The following GOLGA8A variants were observed in gnomAD, a reference collection of about 807,000 sequenced individuals.
The protein encoded by GOLGA8A is golgin A8 family member A, also known as golgin subfamily A member 8A.
GOLGA8A carries 3 observed loss-of-function variants against 22.1 expected under a neutral mutation model. The ratio of observed to expected loss-of-function variants is 0.14; its 90% confidence interval spans 0.06 to 0.35. The LOEUF (loss-of-function observed/expected upper bound fraction) is 0.35. Among genes scored for constraint, GOLGA8A ranks in the 10% least tolerant of loss-of-function variants. The pLI is 1.00. For missense variants in GOLGA8A, 16 were observed against 233.2 expected, an observed-to-expected ratio of 0.07 and a Z score of 6.07; for synonymous variants, 7 against 91.7, an observed-to-expected ratio of 0.08 and a Z score of 5.28.
intron 2 of GOLGA8A, among the ~76,000 whole-genome samples, chr15:34,425,689 T>C (rs1486416922): frequency 2.1e-5 from 3 of 144,986 alleles, no homozygotes; most frequent in South Asian, 2.3e-4. Flanking sequence ...GCAATATATA[T>C]AGAAAATGAG....
rs1406638431 is a variant in GOLGA8A at position 34,437,434 on chromosome 15, TCCTCG to T, written c.-1253_-1249del. ...GCGGGGCTGCCCCGGTCCGCCGCCG[TCCTCG>T]CCGCGCCGCCGTCCTCGCCGCGCCG... On this transcript the variant is annotated 5_prime_UTR_variant, in exon 1 of 25. Transcript: ENST00000359187. 5 of 136,672 alleles carry T rather than the reference TCCTCG, an allele frequency of 3.7e-5. No individual in the cohort carries two copies. The highest frequency in any genetic ancestry group is 6.4e-5 in the Non-Finnish European group (4 of 62,098). 8.5% of individuals were successfully genotyped at this position (136,672 alleles called of 1,614,324 possible).
intron 2 of GOLGA8A, among the ~76,000 whole-genome samples, chr15:34,431,489 T>A (rs568582776): frequency 1.4e-5 from 2 of 147,984 alleles, no homozygotes; most frequent in African/African-American, 5.0e-5. Flanking sequence ...GAGAACATCA[T>A]AGAACATACG....
At chr15:34,435,069 A>C (rs1893438381) in intron 2 of GOLGA8A, among the ~76,000 whole-genome samples, 1 of 149,530 alleles carries the variant, frequency 6.7e-6, no homozygotes, top group African/African-American at 2.5e-5. Context: ...CCAAGACTTC[A>C]GACGACGGTG....
At chr15:34,404,753 G>A (rs200514470) in intron 5 of GOLGA8A, among the ~76,000 whole-genome samples, 164 bp downstream of exon 5, 25,847 of 140,502 alleles carry the variant, frequency 0.18, 971 homozygotes, top group Middle Eastern at 0.23. Context: ...TAGCCCAGGC[G>A]ACAGAGCAAG....
Position 34,427,330 on chromosome 15 carries a change from CAAAAAAA to C in GOLGA8A, c.-1123+8046_-1123+8052del, listed in dbSNP as rs67775520. Among the ~76,000 whole-genome samples, 3 of 78,850 alleles carry C rather than the reference CAAAAAAA, an allele frequency of 3.8e-5. 1 individual carries two copies. Among genetic ancestry groups the C allele is most frequent in the Non-Finnish European group, 7.4e-5 (3 of 40,292 alleles). 51.7% of individuals were successfully genotyped at this position (78,850 alleles called of 152,430 possible). The stretch of plus-strand genomic sequence containing the variant: ...TGGGTGACAGAGTGAGACTCCGTCA[CAAAAAAA>C]AAAAAAAAAAAAAAATTCACCAGAA... On this transcript the variant is annotated intron_variant, in intron 2 of 24. Coordinates refer to ENST00000359187, the MANE Select transcript of GOLGA8A (RefSeq NM_181077.5).
intron 2 of GOLGA8A, among the ~76,000 whole-genome samples, chr15:34,435,087 A>C (rs1893439665): frequency 1.3e-5 from 2 of 149,422 alleles, no homozygotes; most frequent in Non-Finnish European, 3.0e-5. Context: ...GTGTCACCTG[A>C]GGCCCTCACC....
At chr15:34,418,822 T>C (rs118094744) in intron 2 of GOLGA8A, 14,384 of 146,066 alleles carry the variant, frequency 0.098, 1,758 homozygotes, top group Non-Finnish European at 0.14. Flanking sequence ...GAGAAGGCGG[T>C]TGAGTTTAGC....
At chr15:34,424,569 G>A (rs1357751485) in intron 2 of GOLGA8A, among the ~76,000 whole-genome samples, 2 of 142,562 alleles carry the variant, frequency 1.4e-5, no homozygotes, top group Non-Finnish European at 3.1e-5. Flanking sequence ...AAGGCAAGAG[G>A]AGGGGATGAT....
intron 2 of GOLGA8A, chr15:34,418,350 G>A (rs1469590143): frequency 7.1e-6 from 1 of 140,670 alleles, no homozygotes; most frequent in Admixed American, 7.6e-5. Context: ...AGGCTCTGAA[G>A]CTTTCCATTT....
At position 34,381,151 on chromosome 15, in the gene GOLGA8A, A is replaced by G. The variant is rs1891467456; in HGVS notation, c.*260T>C. ...CTCCCACCACGTAAGGGCAAACTCGATATGCATGCTAATGACCTACAATTA... is the reference window on the plus strand; with the variant it reads ...CTCCCACCACGTAAGGGCAAACTCGGTATGCATGCTAATGACCTACAATTA... On this transcript the variant is annotated 3_prime_UTR_variant, in exon 25 of 25. Coordinates refer to ENST00000359187, the MANE Select transcript of GOLGA8A (RefSeq NM_181077.5). The G allele has an allele frequency of 3.6e-6, 2 of 562,204 alleles. No homozygotes were observed. Among genetic ancestry groups the G allele is most frequent in the Non-Finnish European group, 6.3e-6 (2 of 315,990 alleles). 34.8% of individuals were successfully genotyped at this position (562,204 alleles called of 1,614,324 possible). A position where few individuals can be genotyped will look rare whatever the true frequency, so the allele number is the denominator to read the frequency against.
chr15:34,425,393 A>G (rs1011562391), intron 2 of GOLGA8A, among the ~76,000 whole-genome samples: 1 of 145,332 alleles, frequency 6.9e-6, no homozygotes, highest in African/African-American at 2.5e-5. Flanking sequence ...TCCTATAAAA[A>G]AAAAAAAACT....
At chr15:34,416,115 TAAAGGA>T (rs1892563200) in intron 2 of GOLGA8A, 1 of 151,812 alleles carries the variant, frequency 6.6e-6, no homozygotes, top group Non-Finnish European at 1.5e-5. Context: ...TTCTATAGGT[TAAAGGA>T]AGTCTCGGAG....
chr15:34,410,695 G>A lies in GOLGA8A; in HGVS notation c.-1122-2960C>T, dbSNP rs1331138164. 67 of 279,668 alleles carry A rather than the reference G, an allele frequency of 2.4e-4. 22 individuals carry two copies. Among genetic ancestry groups the A allele is most frequent in the Admixed American group, 1.4e-3 (16 of 11,104 alleles). 17.3% of individuals were successfully genotyped at this position (279,668 alleles called of 1,614,324 possible). On this transcript the variant is annotated intron_variant, in intron 2 of 24. Transcript: ENST00000359187. ...ATGCTGAAGCGAGGCGGTGGGGGGT[G>A]CTGGGTGCCTTACAGTTCTAATGGT...
rs1206230155 is a variant in GOLGA8A, at chr15:34,412,024, GTTTTTTT to G, written c.-1122-4296_-1122-4290del. On this transcript the variant is annotated intron_variant, in intron 2 of 24. Coordinates refer to ENST00000359187, the MANE Select transcript of GOLGA8A (RefSeq NM_181077.5). ...GGTCCAGGCTTCTGTCTGGTCCTGG[GTTTTTTT>G]TTTTTTTTTTTTGAGATGGAGTCTT... Among the ~76,000 whole-genome samples, 166 of 16,048 alleles carry G rather than the reference GTTTTTTT, an allele frequency of 0.01. 4 individuals carry two copies. The East Asian group carries it at 0.3, about 29-fold the overall frequency. The allele number at this position is 16,048 out of a possible 152,430, so 10.5% of individuals were successfully genotyped here.
intron 5 of GOLGA8A, among the ~76,000 whole-genome samples, chr15:34,403,484 C>CT (rs1355472506): frequency 1.6e-5 from 2 of 128,782 alleles, no homozygotes; most frequent in African/African-American, 5.7e-5. Flanking sequence ...TTACGAAGAT[C>CT]TCACTTCCTA....
rs1891910707 is a variant in GOLGA8A at position 34,397,673 on chromosome 15, CAACT to C, written c.-382+957_-382+960del. On this transcript the variant is annotated intron_variant, in intron 8 of 24. Transcript: ENST00000359187. ...GTGCTTCTGATGAGAGCTGTGGGGACAACTAACAAGAGACCCCTTTACCACCGTC... is the reference window on the plus strand; with the variant it reads ...GTGCTTCTGATGAGAGCTGTGGGGACAACAAGAGACCCCTTTACCACCGTC... Among the ~76,000 whole-genome samples the C allele has an allele frequency of 2.3e-5, 3 of 131,916 alleles. No homozygotes were observed. In the South Asian group the frequency reaches 7.6e-4, roughly 33 times the overall value. 86.5% of individuals were successfully genotyped at this position (131,916 alleles called of 152,430 possible).
chr15:34,400,521 C>G (rs1178185513), intron 6 of GOLGA8A, among the ~76,000 whole-genome samples, 191 bp downstream of exon 6: 1 of 150,922 alleles, frequency 6.6e-6, no homozygotes, highest in Non-Finnish European at 1.5e-5. Context: ...AGCCACCACG[C>G]CCAGCCAAAG....
chr15:34,435,573 C>T (rs1893465993), intron 1 of GOLGA8A, 102 bp from the exon 2 acceptor site: 1 of 148,824 alleles, frequency 6.7e-6, no homozygotes, highest in African/African-American at 2.5e-5. Context: ...TCAGAGAAAA[C>T]ATGCAAGGTG....
chr15:34,425,389 A>T (rs893137070), intron 2 of GOLGA8A, among the ~76,000 whole-genome samples: 1 of 53,170 alleles, frequency 1.9e-5, no homozygotes, highest in African/African-American at 4.1e-5. Flanking sequence ...GGAATCCTAT[A>T]AAAAAAAAAA....
Sources: allele counts gnomAD v4.1 joint callset (sites outside exome capture counted in the v4.1 genomes callset), GRCh38; gene constraint gnomAD v4.1.1; transcripts MANE v1.5; gene names NCBI Gene and HGNC (gene_info 2026-07-23, HGNC 2026-07-21).